LARGE1: variants seen among roughly 807,000 people sequenced by gnomAD.
The protein encoded by LARGE1 is xylosyl- and glucuronyltransferase LARGE1.
Under a neutral mutation model 87.6 loss-of-function variants are expected in LARGE1, and 43 were observed. The observed-to-expected ratio is 0.49, with a 90% confidence interval of 0.38 to 0.63. LARGE1 has a LOEUF of 0.63. Among genes scored for constraint, LARGE1 ranks in the 30% least tolerant of loss-of-function variants. The pLI, the probability that LARGE1 is intolerant of heterozygous loss-of-function variation, is 0.00. For synonymous variants in LARGE1, 434 were observed against 394.6 expected (o/e 1.10, Z -1.18); for missense variants, 802 against 1,000.2 (o/e 0.80, Z 2.67).
chr22:33,311,509 C>A (rs1601398501), intron 11 of LARGE1, among the ~76,000 whole-genome samples: 1 of 152,224 alleles, frequency 6.6e-6, no homozygotes, highest in African/African-American at 2.4e-5. Flanking sequence ...TATTTTCTCA[C>A]ATCAACTACT....
intron 6 of LARGE1, among the ~76,000 whole-genome samples, chr22:33,561,495 T>C (rs2077860198): frequency 6.6e-6 from 1 of 152,296 alleles, no homozygotes; most frequent in Non-Finnish European, 1.5e-5. Context: ...CATACCCATG[T>C]CCAGCTCCCC....
chr22:33,713,467 C>T (rs185287204), intron 2 of LARGE1, among the ~76,000 whole-genome samples: 50 of 152,268 alleles, frequency 3.3e-4, no homozygotes, highest in Non-Finnish European at 5.0e-4. Context: ...ATTCATTCCG[C>T]GGTCGCTGGT....
chr22:33,342,511 T>G (rs2146635089), intron 9 of LARGE1, among the ~76,000 whole-genome samples: 1 of 152,322 alleles, frequency 6.6e-6, no homozygotes, highest in South Asian at 2.1e-4. Context: ...GGAAGTCAAC[T>G]CTGAAGCCCA....
intron 1 of LARGE1, among the ~76,000 whole-genome samples, chr22:33,782,268 T>C (rs1168645111): frequency 2.0e-5 from 3 of 152,310 alleles, no homozygotes; most frequent in Middle Eastern, 3.4e-3. Flanking sequence ...GAGTAGCCCC[T>C]ATCCTTTATG....
chr22:33,276,649 T>G (rs1222503604), intron 14 of LARGE1, among the ~76,000 whole-genome samples: 1 of 152,258 alleles, frequency 6.6e-6, no homozygotes, highest in Non-Finnish European at 1.5e-5. Context: ...CATCTATTAA[T>G]CTTTTAGTAA....
At chr22:33,284,619 C>T (rs146691940) in intron 12 of LARGE1, among the ~76,000 whole-genome samples, 91 of 152,090 alleles carry the variant, frequency 6.0e-4, no homozygotes, top group Non-Finnish European at 1.2e-3. Flanking sequence ...GCTCTGTTGC[C>T]CAGGCTGGAG....
intron 11 of LARGE1, among the ~76,000 whole-genome samples, chr22:33,262,104 G>A (rs1200578128): frequency 6.6e-6 from 1 of 152,186 alleles, no homozygotes; most frequent in Non-Finnish European, 1.5e-5. Flanking sequence ...CTCCACGAAA[G>A]CCTTAAAAGA....
At position 33,274,539 on chromosome 22, in the gene LARGE1, T is replaced by C; in HGVS notation, c.2159A>G (p.Asn720Ser). Residue 720 changes from asparagine to serine, a missense_variant, in exon 15 of 15, where the codon AAC becomes AGC. Physicochemically the swap from Asn to Ser is conservative, Grantham distance 46. Around this residue, in one of 2 missense-constraint regions of LARGE1, gnomAD observed 625 missense variants for 841.9 expected, o/e 0.74. Transcript: ENST00000397394. Reference protein sequence around the residue: ...PSFDITKFRSNKQYRICLKTL... With the variant: ...PSFDITKFRSSKQYRICLKTL... ...TTTGAGACAGATGCGGTATTGCTTG[T>C]TGGAACGGAACTTGGTAATGTCGAA... 6.2e-7 allele frequency: 1 copy of C among 1,614,050 alleles called. No homozygotes were observed.
intron 11 of LARGE1, among the ~76,000 whole-genome samples, chr22:33,211,405 T>C (rs936580571): frequency 2.2e-4 from 33 of 152,190 alleles, no homozygotes; most frequent in African/African-American, 6.0e-4. Context: ...AAAGTGGAGA[T>C]AGGCCAAAAG....
At chr22:33,205,771 T>C (rs1924642541) in intron 11 of LARGE1, among the ~76,000 whole-genome samples, 1 of 152,152 alleles carries the variant, frequency 6.6e-6, no homozygotes, top group Admixed American at 6.5e-5. Context: ...AATCTGATCA[T>C]ATTGTGTGAC....
At chr22:33,394,702 CGTGTGTGTGTGTGTGTGTGT>C (rs59338001) in intron 7 of LARGE1, among the ~76,000 whole-genome samples, 36 of 142,426 alleles carry the variant, frequency 2.5e-4, no homozygotes, top group Middle Eastern at 3.5e-3. Context: ...CTCCTGGGAG[CGTGTGTGTGTGTGTGTGTGT>C]GTGTGTGTGT....
chr22:33,312,970 G>T (rs1259384562), intron 11 of LARGE1, among the ~76,000 whole-genome samples: 2 of 152,154 alleles, frequency 1.3e-5, no homozygotes, highest in African/African-American at 4.8e-5. Flanking sequence ...AGAGGCCAAA[G>T]GGACCTGAGA....
At chr22:33,281,342 G>A (rs1930404841) in intron 13 of LARGE1, among the ~76,000 whole-genome samples, 1 of 151,982 alleles carries the variant, frequency 6.6e-6, no homozygotes, top group African/African-American at 2.4e-5. Flanking sequence ...TGGTTTGAAA[G>A]TCTCAATTCT....
At chr22:33,228,495 C>A (rs970683395) in intron 11 of LARGE1, among the ~76,000 whole-genome samples, 3 of 152,216 alleles carry the variant, frequency 2.0e-5, no homozygotes, top group Admixed American at 6.5e-5. Context: ...TATCTGAAAA[C>A]TAAAGATCCA....
At chr22:33,552,505 T>C (rs2077559176) in intron 6 of LARGE1, among the ~76,000 whole-genome samples, 2 of 152,066 alleles carry the variant, frequency 1.3e-5, no homozygotes, top group African/African-American at 4.8e-5. Context: ...TCCAGGACCC[T>C]GTGGTCAAAC....
At chr22:33,527,547 G>C (rs1368367143) in intron 6 of LARGE1, among the ~76,000 whole-genome samples, 1 of 152,144 alleles carries the variant, frequency 6.6e-6, no homozygotes, top group African/African-American at 2.4e-5. Context: ...AAAGATGAGT[G>C]CCAACTTTAA....
At chr22:33,509,014 C>G (rs914708484) in intron 6 of LARGE1, among the ~76,000 whole-genome samples, 6 of 152,312 alleles carry the variant, frequency 3.9e-5, no homozygotes, top group African/African-American at 1.4e-4. Flanking sequence ...TGTGTGGTCA[C>G]AGGTATATAT....
chr22:33,740,544 T>A (rs2083840569), intron 2 of LARGE1, among the ~76,000 whole-genome samples: 1 of 152,232 alleles, frequency 6.6e-6, no homozygotes, highest in African/African-American at 2.4e-5. Flanking sequence ...TATGTCTTAA[T>A]CTTAGTGTCT....
the LARGE1 span, among the ~76,000 whole-genome samples, chr22:33,131,033 C>CAAAAAAAAAAAAAA: frequency 4.2e-5 from 3 of 70,928 alleles, no homozygotes; most frequent in African/African-American, 1.1e-4. Context: ...GACTCCGTCT[C>CAAAAAAAAAAAAAA]AAAAAAAAAA....
Sources: gnomAD v4.1 joint callset for allele counts (sites outside exome capture counted in the v4.1 genomes callset) on GRCh38, gnomAD v4.1.1 for gene constraint, gnomAD v4.1.1 regional missense constraint, MANE v1.5 for transcripts, NCBI Gene and HGNC (gene_info 2026-07-23, HGNC 2026-07-21) for gene names.